The following SPAG16 variants were observed in gnomAD, a reference collection of about 807,000 sequenced individuals.
SPAG16 encodes the protein sperm-associated antigen 16 protein.
SPAG16 carries 86 observed loss-of-function variants against 80.4 expected under a neutral mutation model. The ratio of observed to expected loss-of-function variants is 1.07; its 90% CI spans 0.90 to 1.28. The LOEUF (loss-of-function observed/expected upper bound fraction) is 1.28. Among genes scored for constraint, SPAG16 ranks in the 50% most tolerant of loss-of-function variants. SPAG16 has a pLI of 0.00. For missense variants in SPAG16, 870 were observed against 765.3 expected (o/e 1.14, Z -1.61); for synonymous variants, 294 against 265.9 (o/e 1.11, Z -1.03).
chr2:213,411,442 A>G (rs1405096074), intron 9 of SPAG16, among the ~76,000 whole-genome samples: 1 of 152,258 alleles, frequency 6.6e-6, no homozygotes, highest in Non-Finnish European at 1.5e-5. Flanking sequence ...GGAATAGCTG[A>G]GCAATTAGGG....
intron 11 of SPAG16, among the ~76,000 whole-genome samples, chr2:213,872,230 C>T (rs1364921025): frequency 6.6e-6 from 1 of 152,018 alleles, no homozygotes; most frequent in African/African-American, 2.4e-5. Context: ...AGGGATTCTC[C>T]CCTAGAGAGA....
chr2:213,593,026 A>T (rs1164983750), intron 10 of SPAG16, among the ~76,000 whole-genome samples: 1 of 151,680 alleles, frequency 6.6e-6, no homozygotes, highest in African/African-American at 2.4e-5. Flanking sequence ...TGAAATTTCT[A>T]TATTCTTGCT....
chr2:213,431,964 A>G (rs2070330724), intron 9 of SPAG16, among the ~76,000 whole-genome samples: 1 of 152,096 alleles, frequency 6.6e-6, no homozygotes, highest in Non-Finnish European at 1.5e-5. Context: ...AAACTATAGA[A>G]ATACATAGCA....
chr2:213,370,340 T>C (rs1342710107), intron 8 of SPAG16, among the ~76,000 whole-genome samples: 3 of 152,150 alleles, frequency 2.0e-5, no homozygotes, highest in Admixed American at 2.0e-4. Context: ...AGAAAAAATA[T>C]CAGAAGGTGT....
intron 5 of SPAG16, among the ~76,000 whole-genome samples, chr2:213,321,401 AGT>A (rs1259595505): frequency 3.3e-5 from 5 of 152,036 alleles, no homozygotes; most frequent in Non-Finnish European, 7.4e-5. Context: ...TATTTTGCAT[AGT>A]GTTATTAATT....
intron 14 of SPAG16, among the ~76,000 whole-genome samples, chr2:214,116,788 T>C (rs1229073881): frequency 6.6e-6 from 1 of 152,196 alleles, no homozygotes; most frequent in East Asian, 1.9e-4. Context: ...AAACCTGGGC[T>C]GAGAGGTTCC....
chr2:213,912,464 C>A (rs939069523), intron 11 of SPAG16, among the ~76,000 whole-genome samples: 3 of 152,016 alleles, frequency 2.0e-5, no homozygotes, highest in African/African-American at 4.8e-5. Context: ...ATAATTAGAT[C>A]AAAATTATTT....
At chr2:213,462,652 A>G (rs1910397) in intron 9 of SPAG16, among the ~76,000 whole-genome samples, 11,271 of 152,240 alleles carry the variant, frequency 0.074, 1,372 homozygotes, top group African/African-American at 0.25. Flanking sequence ...TTTCCCCTGC[A>G]TGCATTCAGT....
At chr2:213,867,276 A>ATC (rs2075726774) in intron 11 of SPAG16, among the ~76,000 whole-genome samples, 1 of 152,252 alleles carries the variant, frequency 6.6e-6, no homozygotes, top group Non-Finnish European at 1.5e-5. Flanking sequence ...TGATTCATCA[A>ATC]TCATTGAAAA....
chr2:213,642,278 C>T (rs1043097882), intron 10 of SPAG16, among the ~76,000 whole-genome samples: 1 of 152,184 alleles, frequency 6.6e-6, no homozygotes, highest in Non-Finnish European at 1.5e-5. Flanking sequence ...GTTCTTGGAG[C>T]AAAAGTTCAC....
intron 10 of SPAG16, among the ~76,000 whole-genome samples, chr2:213,725,059 C>T (rs1574949485): frequency 6.6e-6 from 1 of 151,538 alleles, no homozygotes; most frequent in East Asian, 1.9e-4. Context: ...TGAGGCATAG[C>T]CTGGCTCTGT....
chr2:214,377,184 C>T (rs775514753), intron 15 of SPAG16, among the ~76,000 whole-genome samples: 4 of 152,098 alleles, frequency 2.6e-5, no homozygotes, highest in Admixed American at 6.6e-5. Flanking sequence ...TTCATCTCTT[C>T]GGTAAGTTGC....
intron 9 of SPAG16, among the ~76,000 whole-genome samples, chr2:213,407,647 GACAGGA>G (rs2068703844): frequency 3.0e-5 from 4 of 131,928 alleles, no homozygotes; most frequent in African/African-American, 1.1e-4. Flanking sequence ...GAGACAGACA[GACAGGA>G]GAGAGAGAGG....
intron 13 of SPAG16, among the ~76,000 whole-genome samples, chr2:214,086,279 G>A (rs1258330471): frequency 6.6e-6 from 1 of 151,978 alleles, no homozygotes; most frequent in Non-Finnish European, 1.5e-5. Context: ...CTTTTTCTTC[G>A]AAACTTCATA....
intron 8 of SPAG16, among the ~76,000 whole-genome samples, chr2:213,374,252 G>A (rs1234978849): frequency 3.9e-5 from 6 of 152,130 alleles, no homozygotes; most frequent in Admixed American, 6.5e-5. Flanking sequence ...TCTTAAGAGA[G>A]CCTTGTCATT....
At chr2:213,844,069 A>G (rs1426532595) in intron 10 of SPAG16, among the ~76,000 whole-genome samples, 3 of 152,158 alleles carry the variant, frequency 2.0e-5, no homozygotes, top group Non-Finnish European at 4.4e-5. Context: ...AAAGGTCAAA[A>G]ACCTAGTTGC....
intron 15 of SPAG16, among the ~76,000 whole-genome samples, chr2:214,277,962 A>G (rs1268596158): frequency 1.3e-5 from 2 of 152,170 alleles, no homozygotes; most frequent in East Asian, 3.9e-4. Flanking sequence ...GGTGGGGTCC[A>G]CCAGTTCTAG....
intron 10 of SPAG16, among the ~76,000 whole-genome samples, chr2:213,843,911 G>T (rs1364995826): frequency 2.6e-5 from 4 of 151,904 alleles, no homozygotes; most frequent in African/African-American, 4.8e-5. Context: ...TATGACCTAA[G>T]TTAGGATTAT....
intron 14 of SPAG16, among the ~76,000 whole-genome samples, chr2:214,133,150 G>T (rs1012964028): frequency 6.7e-6 from 1 of 150,192 alleles, no homozygotes; most frequent in African/African-American, 2.4e-5. Flanking sequence ...CCTACCATTA[G>T]CATAGAGCAA....
Sources: gnomAD v4.1 joint callset for allele counts (sites outside exome capture counted in the v4.1 genomes callset) on GRCh38, gnomAD v4.1.1 for gene constraint, MANE v1.5 for transcripts, NCBI Gene and HGNC (gene_info 2026-07-23, HGNC 2026-07-21) for gene names.